MACROD2: variants seen among roughly 807,000 people sequenced by gnomAD.
The protein encoded by MACROD2 is mono-ADP ribosylhydrolase 2.
Under a neutral mutation model 70.4 loss-of-function variants are expected in MACROD2, and 36 were observed. The observed-to-expected ratio is 0.51, with a 90% CI of 0.39 to 0.68. The LOEUF (loss-of-function observed/expected upper bound fraction) is 0.68, where lower values mean the gene tolerates loss of function less well. Ranked by LOEUF, MACROD2 falls within the 30% of genes least tolerant of loss-of-function variation. The pLI is 0.00. For missense variants in MACROD2, 496 were observed against 538.4 expected (o/e 0.92, Z 0.78); for synonymous variants, 172 against 178.8 (o/e 0.96, Z 0.30).
intron 5 of MACROD2, among the ~76,000 whole-genome samples, chr20:15,096,080 G>A (rs1480841545): frequency 2.0e-5 from 3 of 152,068 alleles, no homozygotes; most frequent in East Asian, 1.9e-4. Flanking sequence ...ACTTTATGCA[G>A]GTGTGCAGTA....
chr20:15,498,939 C>T lies in MACROD2; in HGVS notation c.572-835C>T, dbSNP rs149397657. Among the ~76,000 whole-genome samples the T allele has an allele frequency of 7.2e-5, 11 of 152,258 alleles. No individual in the cohort carries two copies. In the East Asian group the frequency reaches 2.1e-3, roughly 29 times the overall value. On this transcript the variant is annotated intron_variant, in intron 7 of 17. Transcript: ENST00000684519. ...TGGTGATTAGGAAGGCAGTGGTGAG[C>T]TCAAAGAGCGTAGTTTCAGTAGCAT... is the stretch of plus-strand genomic sequence containing the variant.
At chr20:14,642,721 T>G (rs906841655) in intron 4 of MACROD2, among the ~76,000 whole-genome samples, 1 of 152,170 alleles carries the variant, frequency 6.6e-6, no homozygotes, top group African/African-American at 2.4e-5. Context: ...GTTCTCCTTT[T>G]TTTATGGGCT....
chr20:15,369,083 A>G (rs1467539334), intron 6 of MACROD2, among the ~76,000 whole-genome samples: 1 of 152,186 alleles, frequency 6.6e-6, no homozygotes, highest in African/African-American at 2.4e-5. Flanking sequence ...TTCATTTGCT[A>G]GGTATTTGAG....
intron 8 of MACROD2, among the ~76,000 whole-genome samples, chr20:15,692,862 A>G (rs6043449): frequency 0.2 from 30,065 of 152,072 alleles, 4,275 homozygotes; most frequent in African/African-American, 0.4. Flanking sequence ...TTGCAACCAC[A>G]TGGGTAGGGA....
intron 8 of MACROD2, among the ~76,000 whole-genome samples, chr20:15,654,444 G>C (rs1435487590): frequency 6.6e-6 from 1 of 152,218 alleles, no homozygotes; most frequent in Non-Finnish European, 1.5e-5. Context: ...TATTAGGTTG[G>C]TGCAAAAGTA....
At chr20:16,040,821 T>A (rs1202365462) in intron 15 of MACROD2, among the ~76,000 whole-genome samples, 1 of 152,004 alleles carries the variant, frequency 6.6e-6, no homozygotes, top group Non-Finnish European at 1.5e-5. Flanking sequence ...TCATTTTCTC[T>A]TTTTCTTCTT....
intron 5 of MACROD2, among the ~76,000 whole-genome samples, chr20:15,044,006 C>A (rs1352792718): frequency 2.6e-5 from 4 of 152,120 alleles, no homozygotes; most frequent in Non-Finnish European, 5.9e-5. Flanking sequence ...TCTCTGCACT[C>A]CATTGTGTAG....
In MACROD2 at chr20:16,013,378, C is replaced by T. The variant is rs811343; in HGVS notation, c.1153+26220C>T. The stretch of plus-strand genomic sequence containing the variant: ...GAACCTAAAATAGAAATTGTAAAGA[C>T]TTGACTCGTAGGGGTGGACCTGGGA... On this transcript the variant is annotated intron_variant, in intron 15 of 17. Transcript: ENST00000684519. Among the ~76,000 whole-genome samples the T allele has an allele frequency of 3.8e-3, 582 of 152,202 alleles. 3 individuals are homozygous for T. The highest frequency in any genetic ancestry group is 6.7e-3 in the Non-Finnish European group (457 of 68,006).
At chr20:14,382,609 G>A (rs6135134) in intron 3 of MACROD2, among the ~76,000 whole-genome samples, 40,442 of 151,648 alleles carry the variant, frequency 0.27, 6,636 homozygotes, top group South Asian at 0.58. Flanking sequence ...CGGAGGTTGC[G>A]GTGAGCTGAG....
At chr20:14,556,110 A>G (rs899825223) in intron 4 of MACROD2, among the ~76,000 whole-genome samples, 21 of 152,090 alleles carry the variant, frequency 1.4e-4, no homozygotes, top group African/African-American at 4.8e-4. Context: ...CTTCACCCAA[A>G]TAGTCAAACC....
chr20:15,881,175 T>C (rs576837126), intron 9 of MACROD2, among the ~76,000 whole-genome samples: 2 of 152,206 alleles, frequency 1.3e-5, no homozygotes, highest in South Asian at 4.1e-4. Flanking sequence ...AATGACATTA[T>C]AATGTAATCA....
At chr20:14,644,530 C>T (rs946559611) in intron 4 of MACROD2, among the ~76,000 whole-genome samples, 1 of 152,132 alleles carries the variant, frequency 6.6e-6, no homozygotes, top group Non-Finnish European at 1.5e-5. Flanking sequence ...CACTGTCTCA[C>T]CCCAGTGTAG....
chr20:15,669,910 T>C (rs570805654), intron 8 of MACROD2, among the ~76,000 whole-genome samples: 1 of 152,324 alleles, frequency 6.6e-6, no homozygotes, highest in East Asian at 1.9e-4. Context: ...ATTGAGCACC[T>C]ACTATGTGAC....
intron 5 of MACROD2, among the ~76,000 whole-genome samples, chr20:14,758,377 A>G (rs2071969759): frequency 6.6e-6 from 1 of 152,164 alleles, no homozygotes; most frequent in Non-Finnish European, 1.5e-5. Context: ...TTCCATGCCC[A>G]GAATGCTTCC....
At position 14,691,916 on chromosome 20, in the gene MACROD2, C is replaced by T. The variant is rs149045262; in HGVS notation, c.418+6957C>T. Among the ~76,000 whole-genome samples the T allele has an allele frequency of 2.6e-5, 4 of 152,218 alleles. 1 individual carries two copies. Among genetic ancestry groups the T allele is most frequent in the African/African-American group, 9.6e-5 (4 of 41,542 alleles). On this transcript the variant is annotated intron_variant, in intron 5 of 17. Coordinates refer to ENST00000684519, the MANE Select transcript of MACROD2 (RefSeq NM_001351661.2). ...GGGATTGTTCCTCCTAAAATCAACT[C>T]GGATTGGCTCATTTTCTTTAAGTGC...
intron 8 of MACROD2, among the ~76,000 whole-genome samples, chr20:15,809,202 C>A (rs949030837): frequency 2.0e-5 from 3 of 152,128 alleles, no homozygotes; most frequent in African/African-American, 7.2e-5. Context: ...TAAAATCTTA[C>A]CATAACCTGC....
intron 5 of MACROD2, among the ~76,000 whole-genome samples, chr20:15,033,882 T>C (rs550096909): frequency 6.6e-6 from 1 of 152,310 alleles, no homozygotes; most frequent in East Asian, 1.9e-4. Context: ...CAAGGGAGTA[T>C]TGCAGTTAAA....
chr20:16,027,676 A>G (rs371177603), intron 15 of MACROD2, among the ~76,000 whole-genome samples: 1 of 152,200 alleles, frequency 6.6e-6, no homozygotes, highest in Non-Finnish European at 1.5e-5. Context: ...TTAAAACCCT[A>G]TTAGAGTAAA....
At chr20:14,736,579 T>G (rs1291471921) in intron 5 of MACROD2, among the ~76,000 whole-genome samples, 1 of 152,170 alleles carries the variant, frequency 6.6e-6, no homozygotes, top group African/African-American at 2.4e-5. Context: ...ACAACAACAG[T>G]GATATCATTA....
Sources: allele counts gnomAD v4.1 joint callset (sites outside exome capture counted in the v4.1 genomes callset), GRCh38; gene constraint gnomAD v4.1.1; transcripts MANE v1.5; gene names NCBI Gene and HGNC (gene_info 2026-07-23, HGNC 2026-07-21).